The following REDIC1 variants were observed in gnomAD, a reference collection of about 807,000 sequenced individuals.
REDIC1 encodes the protein regulator of DNA class I crossover intermediates 1.
At chr12:39,813,024 T>TTTTTTTTA in the REDIC1 span, among the ~76,000 whole-genome samples, 1 of 134,900 alleles carries the variant, frequency 7.4e-6, no homozygotes, top group East Asian at 2.2e-4. Context: ...TTTTTTTTTT[T>TTTTTTTTA]AGTAGAGATG....
the REDIC1 span, among the ~76,000 whole-genome samples, chr12:39,812,906 T>G: frequency 6.8e-6 from 1 of 147,122 alleles, no homozygotes. Flanking sequence ...GTGATCTCCC[T>G]GCAACCTCTG....
the REDIC1 span, among the ~76,000 whole-genome samples, chr12:39,863,335 A>G: frequency 2.6e-5 from 4 of 152,160 alleles, no homozygotes; most frequent in Admixed American, 2.6e-4. Context: ...CTATTTCATT[A>G]TGTAAATCAC....
At chr12:39,657,897 G>T in the REDIC1 span, among the ~76,000 whole-genome samples, 1 of 150,562 alleles carries the variant, frequency 6.6e-6, no homozygotes, top group African/African-American at 2.4e-5. Context: ...ATTTTCTTTT[G>T]TCTGCTTATT....
the REDIC1 span, among the ~76,000 whole-genome samples, chr12:39,816,957 A>C: frequency 1.3e-5 from 2 of 152,102 alleles, no homozygotes; most frequent in Non-Finnish European, 2.9e-5. Context: ...ATTTCCTTTT[A>C]TCTTGGGCAA....
the REDIC1 span, among the ~76,000 whole-genome samples, chr12:39,690,064 A>G: frequency 6.6e-6 from 1 of 152,214 alleles, no homozygotes; most frequent in Non-Finnish European, 1.5e-5. Context: ...GACTAAAATT[A>G]CGTTCTACCA....
chr12:39,840,789 C>T, the REDIC1 span, among the ~76,000 whole-genome samples: 1 of 152,054 alleles, frequency 6.6e-6, no homozygotes, highest in African/African-American at 2.4e-5. Context: ...TGCATTGTGA[C>T]CTTCTCAAGA....
chr12:39,826,378 C>T, the REDIC1 span, among the ~76,000 whole-genome samples: 1 of 151,012 alleles, frequency 6.6e-6, no homozygotes, highest in Non-Finnish European at 1.5e-5. Flanking sequence ...ATATGAAGAT[C>T]TTTGTCTTTT....
At chr12:39,626,455 A>C in the REDIC1 span, 2 of 1,505,594 alleles carry the variant, frequency 1.3e-6, no homozygotes, top group East Asian at 4.6e-5. Flanking sequence ...AGCTGGAAAG[A>C]ACTTGGTAGG....
At chr12:39,890,515 G>T in the REDIC1 span, among the ~76,000 whole-genome samples, 1 of 152,184 alleles carries the variant, frequency 6.6e-6, no homozygotes, top group East Asian at 1.9e-4. Flanking sequence ...ATATAAGCAT[G>T]AGAGTCTTAA....
At chr12:39,749,233 G>C in the REDIC1 span, among the ~76,000 whole-genome samples, 1 of 151,846 alleles carries the variant, frequency 6.6e-6, no homozygotes, top group East Asian at 1.9e-4. Flanking sequence ...AATGATAAAG[G>C]GGATATCACC....
the REDIC1 span, chr12:39,830,240 A>C: frequency 1.2e-6 from 2 of 1,610,976 alleles, no homozygotes; most frequent in Middle Eastern, 1.7e-4. Flanking sequence ...TGAAAAATGA[A>C]AAGAGTTACC....
At chr12:39,797,976 G>A in the REDIC1 span, among the ~76,000 whole-genome samples, 114,930 of 152,034 alleles carry the variant, frequency 0.76, 43,985 homozygotes, top group Non-Finnish European at 0.82. Flanking sequence ...GAATAGGGTT[G>A]ACTTGTGTAA....
the REDIC1 span, among the ~76,000 whole-genome samples, chr12:39,648,376 G>A: frequency 1.0e-4 from 15 of 147,304 alleles, no homozygotes; most frequent in Non-Finnish European, 1.8e-4. Context: ...CAGAGATGTC[G>A]TAGTAGTCTC....
the REDIC1 span, among the ~76,000 whole-genome samples, chr12:39,693,596 C>A: frequency 2.6e-5 from 4 of 151,768 alleles, no homozygotes. Flanking sequence ...ATAAAATATT[C>A]CTATAGATTC....
chr12:39,880,321 C>A, the REDIC1 span, among the ~76,000 whole-genome samples: 1 of 152,092 alleles, frequency 6.6e-6, no homozygotes. Flanking sequence ...ATGTTTTACT[C>A]AAGATACAAA....
At chr12:39,902,040 T>A in the REDIC1 span, among the ~76,000 whole-genome samples, 1 of 151,902 alleles carries the variant, frequency 6.6e-6, no homozygotes, top group African/African-American at 2.4e-5. Flanking sequence ...ATGTCCTTTG[T>A]AGGGACATGG....
At chr12:39,766,677 T>C in the REDIC1 span, among the ~76,000 whole-genome samples, 1 of 152,106 alleles carries the variant, frequency 6.6e-6, no homozygotes, top group Non-Finnish European at 1.5e-5. Flanking sequence ...TGCTACTGCT[T>C]TGTCAACTAA....
the REDIC1 span, among the ~76,000 whole-genome samples, chr12:39,836,421 A>T: frequency 6.6e-6 from 1 of 152,304 alleles, no homozygotes; most frequent in African/African-American, 2.4e-5. Context: ...AAGGGAGAAA[A>T]TCGGCATAAG....
chr12:39,821,033 T>A, the REDIC1 span, among the ~76,000 whole-genome samples: 1 of 152,022 alleles, frequency 6.6e-6, no homozygotes, highest in Non-Finnish European at 1.5e-5. Context: ...CTCATGACAT[T>A]TGGCAATTCC....
Sources: gnomAD v4.1 joint callset for allele counts (sites outside exome capture counted in the v4.1 genomes callset) on GRCh38, gnomAD v4.1.1 for gene constraint, MANE v1.5 for transcripts, NCBI Gene and HGNC (gene_info 2026-07-23, HGNC 2026-07-21) for gene names.